Variants in HIVEP3 observed in about 807,000 individuals in gnomAD.
The protein encoded by HIVEP3 is HIVEP zinc finger 3.
HIVEP3 carries 49 observed loss-of-function variants against 152.8 expected under a neutral mutation model. The ratio of observed to expected loss-of-function variants is 0.32; its 90% CI spans 0.26 to 0.41. The LOEUF (loss-of-function observed/expected upper bound fraction) is 0.41. Ranked by LOEUF, HIVEP3 falls within the 10% of genes least tolerant of loss-of-function variation. HIVEP3 has a pLI of 1.00. For synonymous variants in HIVEP3, 1,269 were observed against 1,289.0 expected, an observed-to-expected ratio of 0.98 and a Z score of 0.33; for missense variants, 2,790 against 3,103.3, an observed-to-expected ratio of 0.90 and a Z score of 2.40.
At chr1:41,569,357 T>C (rs189876013) in intron 5 of HIVEP3, among the ~76,000 whole-genome samples, 135 of 152,278 alleles carry the variant, frequency 8.9e-4, no homozygotes, top group African/African-American at 3.2e-3. Context: ...TCCTGTGGTA[T>C]GTGGTTTTGC....
At chr1:41,989,219 C>T (rs1645342221) in intron 1 of HIVEP3, among the ~76,000 whole-genome samples, 1 of 152,120 alleles carries the variant, frequency 6.6e-6, no homozygotes, top group African/African-American at 2.4e-5. Flanking sequence ...GTTAAATGCT[C>T]TCACCACAAA....
chr1:41,856,809 T>G (rs576939682), intron 1 of HIVEP3, among the ~76,000 whole-genome samples: 133 of 152,246 alleles, frequency 8.7e-4, no homozygotes, highest in African/African-American at 3.1e-3. Context: ...GTGAGCCTGG[T>G]GTGGGACTGA....
intron 1 of HIVEP3, among the ~76,000 whole-genome samples, chr1:41,949,938 G>A (rs1184112347): frequency 2.0e-5 from 3 of 152,152 alleles, no homozygotes; most frequent in Non-Finnish European, 2.9e-5. Context: ...AGCAGTTAGA[G>A]CGGTCATCGG....
intron 1 of HIVEP3, among the ~76,000 whole-genome samples, chr1:41,945,627 T>C (rs1375875657): frequency 6.6e-6 from 1 of 152,162 alleles, no homozygotes; most frequent in East Asian, 1.9e-4. Context: ...CAGCGGGCAG[T>C]TCCCAGTGTA....
intron 1 of HIVEP3, among the ~76,000 whole-genome samples, chr1:41,726,754 G>A (rs1422901320): frequency 6.6e-6 from 1 of 152,180 alleles, no homozygotes; most frequent in African/African-American, 2.4e-5. Context: ...GGACAGGTGT[G>A]GAGGCTGGCA....
chr1:41,898,672 C>T (rs980223650), intron 1 of HIVEP3, among the ~76,000 whole-genome samples: 1 of 152,322 alleles, frequency 6.6e-6, no homozygotes, highest in East Asian at 1.9e-4. Flanking sequence ...TACGAAGGCA[C>T]CTGGCTGCCA....
chr1:41,610,391 G>A (rs1325109780), intron 3 of HIVEP3, among the ~76,000 whole-genome samples: 1 of 152,316 alleles, frequency 6.6e-6, no homozygotes, highest in African/African-American at 2.4e-5. Context: ...GTTCTTTTAG[G>A]CCAAGGAGCC....
chr1:41,591,605 G>A (rs115652783), intron 3 of HIVEP3, among the ~76,000 whole-genome samples: 105 of 151,978 alleles, frequency 6.9e-4, no homozygotes, highest in African/African-American at 2.4e-3. Flanking sequence ...CCATCTTCCT[G>A]ACTCCATGGA....
chr1:41,668,612 C>T (rs1412141661), intron 2 of HIVEP3, among the ~76,000 whole-genome samples: 2 of 152,248 alleles, frequency 1.3e-5, no homozygotes, highest in African/African-American at 4.8e-5. Flanking sequence ...TTCCTTCTAC[C>T]TGGCATGCCC....
intron 1 of HIVEP3, among the ~76,000 whole-genome samples, chr1:41,786,438 C>T (rs1649351990): frequency 6.6e-6 from 1 of 152,218 alleles, no homozygotes; most frequent in Non-Finnish European, 1.5e-5. Flanking sequence ...TCTGATTTTA[C>T]AGTCCATTAC....
intron 2 of HIVEP3, among the ~76,000 whole-genome samples, chr1:41,656,523 T>A (rs2124032537): frequency 6.6e-6 from 1 of 152,288 alleles, no homozygotes; most frequent in South Asian, 2.1e-4. Context: ...TACCTGGAGC[T>A]CTAATCTGAT....
intron 1 of HIVEP3, among the ~76,000 whole-genome samples, chr1:41,787,991 A>G (rs1049690912): frequency 1.3e-4 from 20 of 152,106 alleles, no homozygotes; most frequent in African/African-American, 4.8e-4. Context: ...AAGCCAAGGG[A>G]ACTCCTCAAA....
intron 5 of HIVEP3, among the ~76,000 whole-genome samples, chr1:41,554,219 C>T (rs1027218667): frequency 1.1e-4 from 17 of 152,112 alleles, no homozygotes; most frequent in African/African-American, 4.1e-4. Flanking sequence ...TTTCTCTAAA[C>T]TGCTCTTCTC....
chr1:41,756,489 T>G (rs1177934089), intron 1 of HIVEP3, among the ~76,000 whole-genome samples: 1 of 152,202 alleles, frequency 6.6e-6, no homozygotes, highest in African/African-American at 2.4e-5. Flanking sequence ...AAACTTATCC[T>G]AAGGTAATAT....
At chr1:42,018,942 T>C (rs960367092) in intron 1 of HIVEP3, among the ~76,000 whole-genome samples, 1 of 152,106 alleles carries the variant, frequency 6.6e-6, no homozygotes, top group Non-Finnish European at 1.5e-5. Flanking sequence ...TTTGAGATAC[T>C]TTTCATTAAA....
chr1:41,994,190 T>C (rs1161093933), intron 1 of HIVEP3, among the ~76,000 whole-genome samples: 1 of 150,018 alleles, frequency 6.7e-6, no homozygotes, highest in Admixed American at 6.6e-5. Flanking sequence ...AAAAATCCTC[T>C]CTGGAGAGAA....
intron 1 of HIVEP3, among the ~76,000 whole-genome samples, chr1:41,982,208 G>A (rs1306950839): frequency 1.3e-5 from 2 of 152,186 alleles, no homozygotes; most frequent in African/African-American, 4.8e-5. Context: ...CAAAGGGGCT[G>A]GAAAGGTCCG....
chr1:42,028,747 C>A (rs1039549128), intron 1 of HIVEP3, among the ~76,000 whole-genome samples: 2 of 152,250 alleles, frequency 1.3e-5, no homozygotes, highest in African/African-American at 4.8e-5. Context: ...TTCTCTAATA[C>A]ATCCCTGACA....
chr1:41,791,626 G>A (rs191163936), intron 1 of HIVEP3, among the ~76,000 whole-genome samples: 154 of 152,122 alleles, frequency 1.0e-3, no homozygotes, highest in Non-Finnish European at 2.1e-3. Context: ...TGATATTGTG[G>A]TGCTACCATA....
Sources: gnomAD v4.1 joint callset for allele counts (sites outside exome capture counted in the v4.1 genomes callset) on GRCh38, gnomAD v4.1.1 for gene constraint, MANE v1.5 for transcripts, NCBI Gene and HGNC (gene_info 2026-07-23, HGNC 2026-07-21) for gene names.